RMDN1: variants seen among roughly 807,000 people sequenced by gnomAD.
The protein encoded by RMDN1 is regulator of microtubule dynamics 1.
Under a neutral mutation model 48.9 loss-of-function variants are expected in RMDN1, and 48 were observed. The observed-to-expected ratio is 0.98, with a 90% CI of 0.78 to 1.25. The LOEUF is 1.25. RMDN1 is among the 50% of genes most tolerant of loss of function. The pLI is 0.00. For synonymous variants in RMDN1, 148 were observed against 132.6 expected, an observed-to-expected ratio of 1.12 and a Z score of -0.80; for missense variants, 418 against 373.4, an observed-to-expected ratio of 1.12 and a Z score of -0.98.
Position 86,473,438 on chromosome 8 carries a change from G to A in RMDN1, c.*870C>T, listed in dbSNP as rs946143105. 60 of 985,216 alleles carry A rather than the reference G, an allele frequency of 6.1e-5. No homozygotes were observed. The highest frequency in any genetic ancestry group is 1.1e-5 in the Non-Finnish European group (9 of 829,906). The allele number at this position is 985,216 out of a possible 1,614,324, so 61.0% of individuals were successfully genotyped here. A position where few individuals can be genotyped will look rare whatever the true frequency, so the allele number is the denominator to read the frequency against. ...TAGGGAATAGAACTTTGCATCTGAT[G>A]ACAAATTCAGTTTACCATGAGACTA... On this transcript the variant is annotated 3_prime_UTR_variant, in exon 10 of 10. Transcript: ENST00000406452.
intron 2 of RMDN1, among the ~76,000 whole-genome samples, chr8:86,503,390 C>CAAAACAAACCA (rs1491204153): frequency 1.8e-5 from 1 of 56,586 alleles, no homozygotes; most frequent in Non-Finnish European, 3.5e-5. Context: ...AAAAAAAAAA[C>CAAAACAAACCA]AAAAAAAAAT....
At chr8:86,487,715 T>C (rs1815719180) in intron 3 of RMDN1, among the ~76,000 whole-genome samples, 1 of 152,182 alleles carries the variant, frequency 6.6e-6, no homozygotes, top group South Asian at 2.1e-4. Context: ...AAGATAGTTA[T>C]CATTCAATGA....
intron 5 of RMDN1, 81 bp from the exon 6 acceptor site, chr8:86,480,413 T>C (rs1037257902): frequency 8.0e-6 from 6 of 748,820 alleles, no homozygotes; most frequent in Middle Eastern, 2.4e-4. Context: ...GAAGAAGCCA[T>C]GATTTTTTAA....
At chr8:86,492,516 G>C (rs975774759) in intron 2 of RMDN1, among the ~76,000 whole-genome samples, 1 of 152,010 alleles carries the variant, frequency 6.6e-6, no homozygotes, top group Admixed American at 6.6e-5. Flanking sequence ...AGCCGGTCAT[G>C]GTGGCAGGTG....
chr8:86,482,600 T>TGCCTCCCACATCACTGAA (rs1354284274), intron 5 of RMDN1: 2 of 756,958 alleles, frequency 2.6e-6, no homozygotes, highest in African/African-American at 1.7e-5. Context: ...TTGTGACAAC[T>TGCCTCCCACATCACTGAA]GCCTCCCACA....
At position 86,473,960 on chromosome 8, in the gene RMDN1, A is replaced by G. The variant is rs1279178755; in HGVS notation, c.*348T>C. ...CCAATTTGAAAATCCATCCCCCTGT[A>G]TATCCCCTATAGATCCATTTCCCCT... On this transcript the variant is annotated 3_prime_UTR_variant, in exon 10 of 10. Coordinates refer to ENST00000406452, the MANE Select transcript of RMDN1 (RefSeq NM_016033.3). 12 of 1,031,540 alleles carry G rather than the reference A, an allele frequency of 1.2e-5. No individual in the cohort carries two copies. The highest frequency in any genetic ancestry group is 1.4e-5 in the Non-Finnish European group (12 of 859,524). 63.9% of individuals were successfully genotyped at this position (1,031,540 alleles called of 1,614,324 possible). A position where few individuals can be genotyped will look rare whatever the true frequency, so the allele number is the denominator to read the frequency against.
At chr8:86,510,249 G>A (rs976553934), upstream of RMDN1, among the ~76,000 whole-genome samples, 2 of 152,128 alleles carry the variant, frequency 1.3e-5, no homozygotes, top group Non-Finnish European at 2.9e-5. Flanking sequence ...TTAGAAACAA[G>A]ACATTCCCTT....
Position 86,473,549 on chromosome 8 carries a change from T to C in RMDN1, c.*759A>G, listed in dbSNP as rs1046270572. On this transcript the variant is annotated 3_prime_UTR_variant, in exon 10 of 10. Transcript: ENST00000406452. ...GGGAGGCCAAGGCGGGCAGATCACT[T>C]GAGGCCAGGAGTTTGAGACCAGCCT... 8 of 736,570 alleles carry C rather than the reference T, an allele frequency of 1.1e-5. No homozygotes were observed. Among genetic ancestry groups the C allele is most frequent in the Middle Eastern group, 7.0e-4 (1 of 1,434 alleles). The allele number at this position is 736,570 out of a possible 1,614,324, so 45.6% of individuals were successfully genotyped here. A position where few individuals can be genotyped will look rare whatever the true frequency, so the allele number is the denominator to read the frequency against.
At chr8:86,503,385 A>AAAAAAAAAAAAAAAAAACAAAAC (rs1554594088) in intron 2 of RMDN1, among the ~76,000 whole-genome samples, 27 of 81,036 alleles carry the variant, frequency 3.3e-4, no homozygotes, top group South Asian at 7.2e-4. Context: ...AAAAAAAAAA[A>AAAAAAAAAAAAAAAAAACAAAAC]AAAACAAAAA....
chr8:86,486,521 G>T lies in RMDN1; in HGVS notation c.458C>A (p.Ala153Glu). The change falls in exon 4 of 10, where the codon GCA (alanine) becomes GAA (glutamate). Residue 153 changes from alanine to glutamate, a missense_variant. Physicochemically the swap from Ala to Glu is moderately radical, Grantham distance 107. Coordinates refer to ENST00000406452, the MANE Select transcript of RMDN1 (RefSeq NM_016033.3). Reference sequence around the variant, plus strand: ...AAAACTTGATTCATTTTTTTCTAGTGCTCTTTTTGCATACTCTAGGGCTTC... The same window carrying T: ...AAAACTTGATTCATTTTTTTCTAGTTCTCTTTTTGCATACTCTAGGGCTTC... ...VYEALEYAKR[A>E]LEKNESSFAS... The T allele has an allele frequency of 6.3e-7, 1 of 1,598,710 alleles. No homozygotes were observed. Among genetic ancestry groups the T allele is most frequent in the Non-Finnish European group, 8.5e-7 (1 of 1,170,826 alleles).
upstream of RMDN1, chr8:86,508,797 G>A (rs1022545466): frequency 1.6e-6 from 2 of 1,243,806 alleles, no homozygotes; most frequent in African/African-American, 1.6e-5. Context: ...CACGGGCTTA[G>A]GGGGTGGGAA....
intron 2 of RMDN1, among the ~76,000 whole-genome samples, chr8:86,496,908 A>G (rs1817464345): frequency 6.6e-6 from 1 of 152,016 alleles, no homozygotes; most frequent in African/African-American, 2.4e-5. Context: ...ATTCTGAACA[A>G]AATAAAAAAA....
chr8:86,488,619 C>G lies in RMDN1; in HGVS notation c.268G>C (p.Ala90Pro). ...TAKVEEILEQ[A>P]DYLYESGETE... ...TCTCCGCTTTCATACAGGTAGTCTGCTTGTTCAAGTATTTCTTCAACTTCA... is the reference window on the plus strand; with the variant it reads ...TCTCCGCTTTCATACAGGTAGTCTGGTTGTTCAAGTATTTCTTCAACTTCA... The change falls in exon 3 of 10, where the codon GCA (alanine) becomes CCA (proline). Residue 90 changes from alanine to proline, a missense_variant. Coordinates refer to ENST00000406452, the MANE Select transcript of RMDN1 (RefSeq NM_016033.3). 1 of 1,608,442 alleles carries G rather than the reference C, an allele frequency of 6.2e-7. No individual in the cohort carries two copies. Among genetic ancestry groups the G allele is most frequent in the Non-Finnish European group, 8.5e-7 (1 of 1,177,356 alleles).
chr8:86,495,381 T>C (rs1369780433), intron 2 of RMDN1, among the ~76,000 whole-genome samples: 1 of 151,318 alleles, frequency 6.6e-6, no homozygotes, highest in East Asian at 2.0e-4. Flanking sequence ...CAGGGAGAAC[T>C]ACCTGGAGAG....
chr8:86,508,624 C>A lies in RMDN1; in HGVS notation c.-4G>T. 6.3e-7 allele frequency: 1 copy of A among 1,598,860 alleles called. No homozygotes were observed. The highest frequency in any genetic ancestry group is 8.5e-7 in the Non-Finnish European group (1 of 1,173,306). On this transcript the variant is annotated 5_prime_UTR_variant, in exon 1 of 10. The change creates a new upstream start codon in the 5' untranslated region. Transcript: ENST00000406452. Reference sequence around the variant, plus strand: ...ACAGTCGAGCAGCCAGCGCCATGACCTGCAACTTGCGGGCTGACCCTGCAC... The same window carrying A: ...ACAGTCGAGCAGCCAGCGCCATGACATGCAACTTGCGGGCTGACCCTGCAC...
intron 3 of RMDN1, among the ~76,000 whole-genome samples, chr8:86,487,657 T>A (rs1815704358): frequency 6.6e-6 from 1 of 152,116 alleles, no homozygotes; most frequent in Non-Finnish European, 1.5e-5. Context: ...ATCCTAACTT[T>A]ATTTTTTTAA....
intron 2 of RMDN1, among the ~76,000 whole-genome samples, chr8:86,495,776 C>A (rs1817241456): frequency 6.6e-6 from 1 of 152,142 alleles, no homozygotes; most frequent in Non-Finnish European, 1.5e-5. Context: ...TGCACACATA[C>A]AACATGCAAA....
Position 86,473,415 on chromosome 8 carries a change from G to A in RMDN1, c.*893C>T, listed in dbSNP as rs1331195759. The stretch of plus-strand genomic sequence containing the variant: ...GTTTTGTGTTCCTTCCATTCCATTA[G>A]GGAATAGAACTTTGCATCTGATGAC... On this transcript the variant is annotated 3_prime_UTR_variant, in exon 10 of 10. Transcript: ENST00000406452. 2 of 984,842 alleles carry A rather than the reference G, an allele frequency of 2.0e-6. No individual in the cohort carries two copies. Among genetic ancestry groups the A allele is most frequent in the African/African-American group, 1.7e-5 (1 of 57,210 alleles). 61.0% of individuals were successfully genotyped at this position (984,842 alleles called of 1,614,324 possible). A position where few individuals can be genotyped will look rare whatever the true frequency, so the allele number is the denominator to read the frequency against.
Position 86,513,752 on chromosome 8 carries a change from C to T in RMDN1, c.-4+490G>A, listed in dbSNP as rs181213894. On this transcript the variant is annotated intron_variant, in intron 1 of 9. Coordinates refer to the RMDN1 transcript ENST00000523911. ...AAGGTAATGAAGGATATAAAATGTC[C>T]TTGGTAGTGTGCACATTAAGAATGC... Among the ~76,000 whole-genome samples the T allele has an allele frequency of 2.0e-3, 302 of 152,244 alleles. 3 individuals are homozygous for T. Among genetic ancestry groups the T allele is most frequent in the Middle Eastern group, 6.8e-3 (2 of 292 alleles).
Sources: allele counts gnomAD v4.1 joint callset (sites outside exome capture counted in the v4.1 genomes callset), GRCh38; gene constraint gnomAD v4.1.1; transcripts MANE v1.5; gene names NCBI Gene and HGNC (gene_info 2026-07-23, HGNC 2026-07-21).